MCPH1: variants seen among roughly 807,000 people sequenced by gnomAD.
MCPH1 encodes the protein microcephalin.
MCPH1 carries 104 observed loss-of-function variants against 84.5 expected under a neutral mutation model. The ratio of observed to expected loss-of-function variants is 1.23; its 90% CI spans 1.05 to 1.45. The LOEUF (loss-of-function observed/expected upper bound fraction) is 1.45, where lower values mean the gene tolerates loss of function less well. Ranked by LOEUF, MCPH1 falls within the 40% of genes most tolerant of loss-of-function variation. The pLI is 0.00. For missense variants in MCPH1, 1,498 were observed against 1,005.7 expected (o/e 1.49, Z -6.62); for synonymous variants, 514 against 366.8 (o/e 1.40, Z -4.58).
At chr8:6,519,826 A>G in intron 12 of MCPH1, 1 of 1,608,136 alleles carries the variant, frequency 6.2e-7, no homozygotes, top group Non-Finnish European at 8.5e-7. Context: ...TGGCCTGCCT[A>G]GAGCCAGGGA....
chr8:6,611,985 A>T (rs1331994072), intron 12 of MCPH1, among the ~76,000 whole-genome samples: 2 of 152,266 alleles, frequency 1.3e-5, no homozygotes, highest in East Asian at 3.9e-4. Context: ...CCATTGAGTG[A>T]ACCCCAGACC....
chr8:6,520,054 T>G, intron 12 of MCPH1: 1 of 1,576,324 alleles, frequency 6.3e-7, no homozygotes, highest in South Asian at 1.2e-5. Flanking sequence ...ACTTGTTATT[T>G]CAAGAGCCAA....
In MCPH1 at chr8:6,415,453, A is replaced by G. The variant is rs544303445; in HGVS notation, c.233+570A>G. Among the ~76,000 whole-genome samples, 300 of 152,074 alleles carry G rather than the reference A, an allele frequency of 2.0e-3. 1 individual carries two copies. Among genetic ancestry groups the G allele is most frequent in the Non-Finnish European group, 3.4e-3 (229 of 67,994 alleles). ...ATCTCAACCTTTGCCTCCTGGGCTCAAGTGATTCTCCTGCTTCTGCCTCCC... is the reference window on the plus strand; with the variant it reads ...ATCTCAACCTTTGCCTCCTGGGCTCGAGTGATTCTCCTGCTTCTGCCTCCC... On this transcript the variant is annotated intron_variant, in intron 3 of 13. Transcript: ENST00000344683.
chr8:6,419,407 T>G (rs1253574705), intron 3 of MCPH1, among the ~76,000 whole-genome samples: 1 of 151,790 alleles, frequency 6.6e-6, no homozygotes, highest in East Asian at 1.9e-4. Context: ...TTTTTTTTCT[T>G]TTTTCTTTTT....
intron 3 of MCPH1, among the ~76,000 whole-genome samples, chr8:6,423,467 T>C (rs1293626799): frequency 6.6e-6 from 1 of 152,180 alleles, no homozygotes. Context: ...GCCCGGCCCA[T>C]ACACTTTAGT....
At chr8:6,446,506 T>G (rs1324760839) in intron 8 of MCPH1, 1 of 984,596 alleles carries the variant, frequency 1.0e-6, no homozygotes, top group Non-Finnish European at 1.2e-6. Flanking sequence ...AATTTTATGT[T>G]TTTGGCCTGC....
chr8:6,454,497 C>T (rs143013155), intron 8 of MCPH1, among the ~76,000 whole-genome samples: 1,562 of 152,230 alleles, frequency 0.01, 13 homozygotes, highest in Middle Eastern at 0.027. Context: ...TAAGAGGCAC[C>T]CTCTGAGGCA....
At chr8:6,636,880 C>A (rs1351492777) in intron 13 of MCPH1, among the ~76,000 whole-genome samples, 1 of 152,154 alleles carries the variant, frequency 6.6e-6, no homozygotes, top group Non-Finnish European at 1.5e-5. Flanking sequence ...CTGTAATATC[C>A]TTTTACACAT....
Position 6,408,937 on chromosome 8 carries a change from G to C in MCPH1, c.23-342G>C, listed in dbSNP as rs570604351. Among the ~76,000 whole-genome samples, 4 of 151,458 alleles carry C rather than the reference G, an allele frequency of 2.6e-5. No individual in the cohort carries two copies. In the East Asian group the frequency reaches 7.8e-4, roughly 29 times the overall value. Reference sequence around the variant, plus strand: ...GTCTCGCCCTGTCACCCAGGCTGGAGTGCAATGGCGCAATCTCGGCTCACT... The same window carrying C: ...GTCTCGCCCTGTCACCCAGGCTGGACTGCAATGGCGCAATCTCGGCTCACT... On this transcript the variant is annotated intron_variant, in intron 1 of 13. Transcript: ENST00000344683.
At chr8:6,566,039 A>T (rs1403409706) in intron 12 of MCPH1, among the ~76,000 whole-genome samples, 1 of 152,190 alleles carries the variant, frequency 6.6e-6, no homozygotes, top group Admixed American at 6.5e-5. Context: ...TACGGCCACC[A>T]TCGCCACCAC....
At chr8:6,614,816 A>G (rs1183367269) in intron 12 of MCPH1, among the ~76,000 whole-genome samples, 1 of 152,128 alleles carries the variant, frequency 6.6e-6, no homozygotes, top group Non-Finnish European at 1.5e-5. Context: ...AGCCAGTCAC[A>G]TTACTGGATT....
chr8:6,539,077 C>G (rs923193124), intron 12 of MCPH1, among the ~76,000 whole-genome samples: 2 of 152,094 alleles, frequency 1.3e-5, no homozygotes, highest in South Asian at 4.1e-4. Context: ...GCTGCCTAAG[C>G]AGCTGTGTAC....
chr8:6,503,335 G>A (rs1206669673), intron 12 of MCPH1: 2 of 1,534,734 alleles, frequency 1.3e-6, no homozygotes, highest in Non-Finnish European at 1.8e-6. Context: ...GCAATACTCA[G>A]CTAAGGCAGG....
intron 12 of MCPH1, among the ~76,000 whole-genome samples, chr8:6,576,163 G>T (rs1198219027): frequency 6.6e-6 from 1 of 152,218 alleles, no homozygotes; most frequent in South Asian, 2.1e-4. Context: ...AACCTCAGGA[G>T]GGGGTGAAAA....
intron 10 of MCPH1, among the ~76,000 whole-genome samples, chr8:6,479,203 G>A (rs1808860122): frequency 1.3e-5 from 2 of 151,958 alleles, no homozygotes; most frequent in African/African-American, 4.8e-5. Context: ...GGAGATCAAG[G>A]ATGCAGTGAG....
chr8:6,585,900 A>C (rs1469343479), intron 12 of MCPH1, among the ~76,000 whole-genome samples: 1 of 152,172 alleles, frequency 6.6e-6, no homozygotes, highest in Non-Finnish European at 1.5e-5. Flanking sequence ...TCCTTGTGTT[A>C]ACCCAAGTTC....
intron 12 of MCPH1, among the ~76,000 whole-genome samples, chr8:6,512,872 G>C (rs894276755): frequency 6.6e-6 from 1 of 152,214 alleles, no homozygotes; most frequent in Non-Finnish European, 1.5e-5. Context: ...GAGGAGAGCA[G>C]AGTTGACTAA....
At chr8:6,486,267 TC>T (rs1809899375) in intron 11 of MCPH1, among the ~76,000 whole-genome samples, 1 of 102,454 alleles carries the variant, frequency 9.8e-6, no homozygotes. Context: ...AAGGAATCTC[TC>T]TCTCTCTCTC....
At chr8:6,521,063 T>C (rs1817242894) in intron 12 of MCPH1, 2 of 699,524 alleles carry the variant, frequency 2.9e-6, no homozygotes, top group African/African-American at 1.8e-5. Context: ...AGATATTTCA[T>C]ATGAAATATA....
Sources: gnomAD v4.1 joint callset for allele counts (sites outside exome capture counted in the v4.1 genomes callset) on GRCh38, gnomAD v4.1.1 for gene constraint, MANE v1.5 for transcripts, NCBI Gene and HGNC (gene_info 2026-07-23, HGNC 2026-07-21) for gene names.